RAB7A: variants seen among roughly 807,000 people sequenced by gnomAD.
RAB7A encodes the protein RAB7A, member RAS oncogene family.
A neutral mutation model predicts 24.5 loss-of-function variants in RAB7A; 2 were observed. The observed-to-expected ratio is 0.08, with a 90% CI of 0.03 to 0.26. The LOEUF is 0.26. Among genes scored for constraint, RAB7A ranks in the 10% least tolerant of loss-of-function variants. The probability of loss-of-function intolerance (pLI) is 1.00; values close to 1 mark genes in which losing one functional copy is unlikely to be tolerated. For missense variants in RAB7A, 118 were observed against 255.7 expected (o/e 0.46, Z 3.67); for synonymous variants, 100 against 95.9 (o/e 1.04, Z -0.25).
chr3:128,735,233 A>G (rs1447167745), intron 1 of RAB7A, among the ~76,000 whole-genome samples: 1 of 152,188 alleles, frequency 6.6e-6, no homozygotes, highest in Non-Finnish European at 1.5e-5. Context: ...ATAAATTGGT[A>G]GGCAGGTGAG....
At chr3:128,789,158 A>G (rs1638660236) in intron 1 of RAB7A, among the ~76,000 whole-genome samples, 1 of 152,164 alleles carries the variant, frequency 6.6e-6, no homozygotes, top group African/African-American at 2.4e-5. Flanking sequence ...TAATATATAC[A>G]TGGATTAATG....
chr3:128,807,332 A>T (rs1292778901), intron 4 of RAB7A, among the ~76,000 whole-genome samples: 1 of 152,112 alleles, frequency 6.6e-6, no homozygotes, highest in African/African-American at 2.4e-5. Context: ...ACAGGCTTTG[A>T]GCTCTCTAGC....
rs549504599 is a variant in RAB7A at position 128,766,498 on chromosome 3, A to G, written c.-8-28862A>G. 1.1e-3 allele frequency among the ~76,000 whole-genome samples: 172 copies of G among 152,294 alleles called. 2 individuals are homozygous for G. The highest frequency in any genetic ancestry group is 1.8e-3 in the Admixed American group (27 of 15,292). ...ATCATGATTTTAAAATCAACTACCA[A>G]GAAGGTTTGAAAATAAAAATCAAAA... On this transcript the variant is annotated intron_variant, in intron 1 of 5. Transcript: ENST00000265062.
At chr3:128,778,204 GA>G (rs1413064101) in intron 1 of RAB7A, among the ~76,000 whole-genome samples, 15 of 152,336 alleles carry the variant, frequency 9.8e-5, no homozygotes, top group Admixed American at 5.2e-4. Flanking sequence ...AGCTATGGCT[GA>G]GAGACTGTAT....
Position 128,800,898 on chromosome 3 carries a change from T to C in RAB7A, c.180+2829T>C, listed in dbSNP as rs185394293. 3.9e-5 allele frequency among the ~76,000 whole-genome samples: 6 copies of C among 152,354 alleles called. 1 individual carries two copies. The South Asian group carries it at 8.3e-4, about 21-fold the overall frequency. ...AGAGATTGAAGCAAAAGGATGACCC[T>C]TGTGCTCTTGCAGCCAGCTTCAGAT... On this transcript the variant is annotated intron_variant, in intron 3 of 5. Transcript: ENST00000265062.
chr3:128,797,988 C>T lies in RAB7A; in HGVS notation c.99C>T (p.Phe33=). ...SLMNQYVNKK[F]SNQYKATIGA... is the part of the protein sequence containing the mutation. ...TGAACCAGTATGTGAATAAGAAATT[C>T]AGCAATCAGTACAAAGCCACAATAG... Residue 33 remains phenylalanine (F), a synonymous_variant, in exon 3 of 6, where the codon TTC becomes TTT. Coordinates refer to ENST00000265062, the MANE Select transcript of RAB7A (RefSeq NM_004637.6). 1.9e-6 allele frequency: 3 copies of T among 1,613,780 alleles called. No homozygotes were observed. The highest frequency in any genetic ancestry group is 2.5e-6 in the Non-Finnish European group (3 of 1,179,672).
intron 1 of RAB7A, among the ~76,000 whole-genome samples, chr3:128,759,480 G>C (rs917446885): frequency 1.3e-5 from 2 of 152,234 alleles, no homozygotes; most frequent in Non-Finnish European, 2.9e-5. Context: ...CCAAGATCTT[G>C]TGGGCCCAGT....
intron 1 of RAB7A, among the ~76,000 whole-genome samples, chr3:128,763,038 T>G (rs577055028): frequency 6.6e-6 from 1 of 151,776 alleles, no homozygotes; most frequent in Non-Finnish European, 1.5e-5. Context: ...TCATTATCTT[T>G]AGTTTTGGAA....
At chr3:128,756,954 C>T (rs1421258895) in intron 1 of RAB7A, among the ~76,000 whole-genome samples, 15 of 152,016 alleles carry the variant, frequency 9.9e-5, no homozygotes, top group Non-Finnish European at 1.5e-4. Context: ...AGCGATTCTC[C>T]TGCTTCAGCT....
At chr3:128,744,876 C>A (rs994644646) in intron 1 of RAB7A, among the ~76,000 whole-genome samples, 2 of 139,396 alleles carry the variant, frequency 1.4e-5, no homozygotes, top group South Asian at 4.6e-4. Context: ...TTTTCTTTTT[C>A]TTTTTTTTTT....
At chr3:128,767,113 C>T (rs115730489) in intron 1 of RAB7A, among the ~76,000 whole-genome samples, 1,879 of 152,266 alleles carry the variant, frequency 0.012, 35 homozygotes, top group African/African-American at 0.042. Flanking sequence ...CCCTGCTGCG[C>T]GTTGGCATTC....
chr3:128,810,856 C>T (rs1216460522), intron 5 of RAB7A, among the ~76,000 whole-genome samples: 1 of 152,120 alleles, frequency 6.6e-6, no homozygotes, highest in Admixed American at 6.5e-5. Flanking sequence ...GAGTTCAAGA[C>T]CAGCCTGGCC....
At chr3:128,765,009 A>G (rs896780801) in intron 1 of RAB7A, 116 of 1,579,128 alleles carry the variant, frequency 7.3e-5, no homozygotes, top group Non-Finnish European at 9.6e-5. Context: ...AGGTGGACGC[A>G]GTTGTCATGG....
intron 1 of RAB7A, among the ~76,000 whole-genome samples, chr3:128,731,839 A>G (rs549001676): frequency 1.3e-5 from 2 of 151,884 alleles, no homozygotes; most frequent in East Asian, 2.0e-4. Flanking sequence ...AACCCCGTCT[A>G]TACTAAAAAT....
At chr3:128,778,021 C>T (rs1933133789) in intron 1 of RAB7A, among the ~76,000 whole-genome samples, 1 of 152,034 alleles carries the variant, frequency 6.6e-6, no homozygotes, top group South Asian at 2.1e-4. Context: ...GCCAAAGAGC[C>T]AGTATTTTTA....
chr3:128,798,839 AAAAAAAG>A, intron 3 of RAB7A: 1 of 259,024 alleles, frequency 3.9e-6, no homozygotes, highest in South Asian at 3.9e-5. Context: ...AAAAAAAAAA[AAAAAAAG>A]AATCCCAGGA....
rs990808486 is a variant in RAB7A, at chr3:128,770,471, A to G, written c.-8-24889A>G. 3.9e-5 allele frequency among the ~76,000 whole-genome samples: 6 copies of G among 152,338 alleles called. No individual in the cohort carries two copies. In the East Asian group the frequency reaches 1.2e-3, roughly 29 times the overall value. Reference sequence around the variant, plus strand: ...ATCCTTGCCTAACCCAAGATCTGACAGTCTTTTGAAATGGGACTGGATTTT... The same window carrying G: ...ATCCTTGCCTAACCCAAGATCTGACGGTCTTTTGAAATGGGACTGGATTTT... On this transcript the variant is annotated intron_variant, in intron 1 of 5. Coordinates refer to ENST00000265062, the MANE Select transcript of RAB7A (RefSeq NM_004637.6).
At chr3:128,808,408 C>T (rs1236478192) in intron 5 of RAB7A, among the ~76,000 whole-genome samples, 1 of 151,930 alleles carries the variant, frequency 6.6e-6, no homozygotes, top group African/African-American at 2.4e-5. Flanking sequence ...AACTTCTACC[C>T]CCTCACCTGA....
intron 1 of RAB7A, among the ~76,000 whole-genome samples, chr3:128,733,836 A>C (rs78993840): frequency 1.3e-5 from 2 of 152,376 alleles, no homozygotes; most frequent in East Asian, 3.9e-4. Context: ...AGTTCACTTC[A>C]TAAGAGTATC....
Sources: allele counts gnomAD v4.1 joint callset (sites outside exome capture counted in the v4.1 genomes callset), GRCh38; gene constraint gnomAD v4.1.1; transcripts MANE v1.5; gene names NCBI Gene and HGNC (gene_info 2026-07-23, HGNC 2026-07-21).